The following GALNS variants were observed in gnomAD, a reference collection of about 807,000 sequenced individuals.
GALNS encodes the protein N-acetylgalactosamine-6-sulfatase.
Under a neutral mutation model 65.9 loss-of-function variants are expected in GALNS, and 65 were observed. The observed-to-expected ratio is 0.99, with a 90% CI of 0.81 to 1.21. GALNS has a LOEUF of 1.21. Among genes scored for constraint, GALNS ranks in the 50% most tolerant of loss-of-function variants. The pLI is 0.00. For missense variants in GALNS, 776 were observed against 700.7 expected, an observed-to-expected ratio of 1.11 and a Z score of -1.21; for synonymous variants, 346 against 288.9, an observed-to-expected ratio of 1.20 and a Z score of -2.00.
intron 8 of GALNS, among the ~76,000 whole-genome samples, chr16:88,834,600 G>GCC (rs1230062206): frequency 1.5e-5 from 1 of 65,634 alleles, no homozygotes; most frequent in Non-Finnish European, 3.6e-5. Flanking sequence ...AGGCTGTAGG[G>GCC]CCCCCCCCGT....
chr16:88,833,077 C>CAAAAA (rs869226834), intron 8 of GALNS, among the ~76,000 whole-genome samples: 8 of 74,632 alleles, frequency 1.1e-4, no homozygotes, highest in African/African-American at 2.7e-4. Flanking sequence ...GACTCCTTCT[C>CAAAAA]AAAAAAAAAA....
At chr16:88,826,916 G>A (rs146415879) in intron 9 of GALNS, 78 bp from the exon 10 acceptor site, 23 of 1,505,062 alleles carry the variant, frequency 1.5e-5, no homozygotes, top group Admixed American at 1.4e-4. Flanking sequence ...CTGGGGGGGC[G>A]TGAGCCCCGC....
At chr16:88,839,813 C>G (rs1243312589) in intron 4 of GALNS, among the ~76,000 whole-genome samples, 1 of 152,212 alleles carries the variant, frequency 6.6e-6, no homozygotes, top group African/African-American at 2.4e-5. Context: ...TATGGAGACC[C>G]ACTCCCTGTC....
At position 88,835,065 on chromosome 16, in the gene GALNS, G is replaced by C. The variant is rs1597567529; in HGVS notation, c.898+148C>G. 3 of 1,048,370 alleles carry C rather than the reference G, an allele frequency of 2.9e-6. No homozygotes were observed. The East Asian group carries it at 7.8e-5, about 27-fold the overall frequency. The allele number at this position is 1,048,370 out of a possible 1,614,324, so 64.9% of individuals were successfully genotyped here. On this transcript the variant is annotated intron_variant, in intron 8 of 13. Coordinates refer to ENST00000268695, the MANE Select transcript of GALNS (RefSeq NM_000512.5). ...CCTGGGCCAGAAGGGCCTTGCTCGAGGCTCGGTGACATCTGCTCCTCCCGC... is the reference window on the plus strand; with the variant it reads ...CCTGGGCCAGAAGGGCCTTGCTCGACGCTCGGTGACATCTGCTCCTCCCGC...
Position 88,856,906 on chromosome 16 carries a change from C to A in GALNS, c.-29G>T, listed in dbSNP as rs1447652628. Reference sequence around the variant, plus strand: ...AACCACGGGAGCCGCGGAGCCCCGGCCAGCGAGCCGACCTAGCGAGCGTCC... The same window carrying A: ...AACCACGGGAGCCGCGGAGCCCCGGACAGCGAGCCGACCTAGCGAGCGTCC... On this transcript the variant is annotated 5_prime_UTR_variant, in exon 1 of 14. Transcript: ENST00000268695. The A allele has an allele frequency of 6.7e-7, 1 of 1,498,538 alleles. No homozygotes were observed. Among genetic ancestry groups the A allele is most frequent in the South Asian group, 1.2e-5 (1 of 80,396 alleles). The allele number at this position is 1,498,538 out of a possible 1,614,324, so 92.8% of individuals were successfully genotyped here. A position where few individuals can be genotyped will look rare whatever the true frequency, so the allele number is the denominator to read the frequency against.
intron 13 of GALNS, chr16:88,815,327 A>C: frequency 2.0e-6 from 2 of 985,436 alleles, no homozygotes; most frequent in Non-Finnish European, 2.4e-6. Flanking sequence ...AGGAGGGCCC[A>C]CCCTGAGCTT....
intron 12 of GALNS, among the ~76,000 whole-genome samples, chr16:88,821,050 T>A (rs977537863): frequency 1.3e-5 from 2 of 152,118 alleles, no homozygotes; most frequent in Non-Finnish European, 2.9e-5. Flanking sequence ...GTTTCACGGG[T>A]CTCACCCCCA....
chr16:88,816,315 G>A (rs1909618749), intron 13 of GALNS: 2 of 985,344 alleles, frequency 2.0e-6, no homozygotes, highest in Non-Finnish European at 2.4e-6. Flanking sequence ...CAGCAGCACG[G>A]AGTGGGATTG....
At chr16:88,850,477 A>C (rs1258519524) in intron 1 of GALNS, among the ~76,000 whole-genome samples, 1 of 152,200 alleles carries the variant, frequency 6.6e-6, no homozygotes, top group Non-Finnish European at 1.5e-5. Flanking sequence ...CTCCACGCTC[A>C]TCACTCACCA....
chr16:88,837,415 G>A (rs904974889), intron 5 of GALNS, among the ~76,000 whole-genome samples: 1 of 152,200 alleles, frequency 6.6e-6, no homozygotes, highest in South Asian at 2.1e-4. Flanking sequence ...GAAAAGGTGG[G>A]AAACCCCAGG....
chr16:88,821,334 T>C (rs1486895283), intron 12 of GALNS, among the ~76,000 whole-genome samples: 2 of 152,126 alleles, frequency 1.3e-5, no homozygotes, highest in Non-Finnish European at 1.5e-5. Context: ...CATGTCTGTG[T>C]CTCCTCCCTC....
chr16:88,816,950 G>T, intron 13 of GALNS: 2 of 985,482 alleles, frequency 2.0e-6, no homozygotes, highest in Non-Finnish European at 2.4e-6. Context: ...CCTCGAGGCT[G>T]GGCTCGGCCA....
At position 88,841,233 on chromosome 16, in the gene GALNS, G is replaced by A. The variant is rs1966955157; in HGVS notation, c.320-139C>T. 4 of 725,856 alleles carry A rather than the reference G, an allele frequency of 5.5e-6. No individual in the cohort carries two copies. The South Asian group carries it at 5.9e-5, about 11-fold the overall frequency. The allele number at this position is 725,856 out of a possible 1,614,324, so 45.0% of individuals were successfully genotyped here. A position where few individuals can be genotyped will look rare whatever the true frequency, so the allele number is the denominator to read the frequency against. ...TCGGGGTCAAAGGCTGTGCCTGGGG[G>A]CTGCGCGTCCACAGGGCATGGCACT... On this transcript the variant is annotated intron_variant, in intron 3 of 13. Transcript: ENST00000268695.
chr16:88,832,789 G>A (rs908266211), intron 8 of GALNS, among the ~76,000 whole-genome samples: 3 of 152,172 alleles, frequency 2.0e-5, no homozygotes, highest in South Asian at 2.1e-4. Context: ...GGCCGGCTGC[G>A]GTGGCTCATA....
chr16:88,840,123 G>A (rs1966897644), intron 4 of GALNS, among the ~76,000 whole-genome samples: 2 of 152,232 alleles, frequency 1.3e-5, no homozygotes, highest in African/African-American at 4.8e-5. Flanking sequence ...TGAGAGCTCA[G>A]CTCGGCAGGC....
chr16:88,842,646 C>A, intron 2 of GALNS, 60 bp downstream of exon 2: 1 of 1,593,896 alleles, frequency 6.3e-7, no homozygotes, highest in South Asian at 1.1e-5. Flanking sequence ...TGGAAGGACC[C>A]GGGAGGCCTC....
chr16:88,836,030 G>A (rs1027717375), intron 6 of GALNS, among the ~76,000 whole-genome samples, 171 bp downstream of exon 6: 2 of 150,988 alleles, frequency 1.3e-5, no homozygotes, highest in Non-Finnish European at 2.9e-5. Flanking sequence ...AGGATGGTGC[G>A]GTCCCCGTCC....
At chr16:88,856,246 G>C (rs541816113) in intron 1 of GALNS, 4 of 702,698 alleles carry the variant, frequency 5.7e-6, no homozygotes, top group Admixed American at 4.0e-5. Flanking sequence ...ACAGCCGTCA[G>C]GTAAGACTGG....
chr16:88,850,734 C>G (rs531386957), intron 1 of GALNS, among the ~76,000 whole-genome samples: 67 of 152,330 alleles, frequency 4.4e-4, no homozygotes, highest in Non-Finnish European at 8.2e-4. Context: ...GCTCGGGCTG[C>G]GAGCACAGGT....
Sources: allele counts gnomAD v4.1 joint callset (sites outside exome capture counted in the v4.1 genomes callset), GRCh38; gene constraint gnomAD v4.1.1; transcripts MANE v1.5; gene names NCBI Gene and HGNC (gene_info 2026-07-23, HGNC 2026-07-21).